Variants in MEGF6 observed in about 807,000 individuals in gnomAD.
MEGF6 encodes multiple epidermal growth factor-like domains protein 6.
In MEGF6, 184 loss-of-function variants were observed where a neutral mutation model predicts 207.1. The ratio of observed to expected loss-of-function variants is 0.89; its 90% CI spans 0.79 to 1.00. The LOEUF (loss-of-function observed/expected upper bound fraction) is 1.00, where lower values mean the gene tolerates loss of function less well. Among genes scored for constraint, MEGF6 ranks in the 50% least tolerant of loss-of-function variants. The pLI is 0.00. For synonymous variants in MEGF6, 1,038 were observed against 910.0 expected (o/e 1.14, Z -2.53); for missense variants, 2,282 against 2,202.9 (o/e 1.04, Z -0.72).
At chr1:3,516,366 T>C (rs1641541636) in intron 5 of MEGF6, among the ~76,000 whole-genome samples, 3 of 152,128 alleles carry the variant, frequency 2.0e-5, no homozygotes. Flanking sequence ...TGCCTTGTGG[T>C]TAGGGAGGGA....
At chr1:3,495,049 G>A (rs2821035) in intron 30 of MEGF6, among the ~76,000 whole-genome samples, 8,950 of 152,294 alleles carry the variant, frequency 0.059, 397 homozygotes, top group East Asian at 0.14. Context: ...CGGAGGCAGC[G>A]GCCCACTGTG....
intron 4 of MEGF6, among the ~76,000 whole-genome samples, chr1:3,530,317 G>A (rs574354667): frequency 9.2e-5 from 14 of 152,314 alleles, no homozygotes; most frequent in Admixed American, 7.2e-4. Flanking sequence ...GCTAAGGAGG[G>A]GTGACGTCTC....
In MEGF6 at chr1:3,560,297, C is replaced by G. The variant is rs1450799716; in HGVS notation, c.481+19528G>C. The stretch of plus-strand genomic sequence containing the variant: ...CCGCTTGGTACAGCGGACGAGCCCA[C>G]GTTGACACATTGTTGTTAACTGAGT... On this transcript the variant is annotated intron_variant, in intron 4 of 36. Coordinates refer to ENST00000356575, the MANE Select transcript of MEGF6 (RefSeq NM_001409.4). The surrounding 1 kb of genome is among the most constrained non-coding windows in gnomAD (Gnocchi z 4.0). Among the ~76,000 whole-genome samples the G allele has an allele frequency of 6.6e-6, 1 of 152,202 alleles. No individual in the cohort carries two copies. The highest frequency in any genetic ancestry group is 1.5e-5 in the Non-Finnish European group (1 of 68,038).
chr1:3,542,326 C>G (rs1430770192), intron 4 of MEGF6, among the ~76,000 whole-genome samples: 1 of 152,258 alleles, frequency 6.6e-6, no homozygotes, highest in Non-Finnish European at 1.5e-5. Flanking sequence ...CCAGCCAAAC[C>G]ATGGGCTTAA....
chr1:3,540,086 A>G (rs1339585177), intron 4 of MEGF6, among the ~76,000 whole-genome samples: 1 of 149,542 alleles, frequency 6.7e-6, no homozygotes, highest in Non-Finnish European at 1.5e-5. Context: ...GGTGTCCTCC[A>G]GGAAACTGCC....
chr1:3,619,483 TC>T, the MEGF6 span, among the ~76,000 whole-genome samples: 405 of 152,230 alleles, frequency 2.7e-3, no homozygotes, highest in African/African-American at 7.5e-3. Flanking sequence ...CCAATTGTAA[TC>T]CCCCACGTGT....
At position 3,519,101 on chromosome 1, in the gene MEGF6, G is replaced by A. The variant is rs182779511; in HGVS notation, c.605-3574C>T. On this transcript the variant is annotated intron_variant, in intron 5 of 36. Transcript: ENST00000356575. The stretch of plus-strand genomic sequence containing the variant: ...AAATGGAGCAGGGAGGGAAACGCCC[G>A]CCACCCCCCTTCCATGGACCAGGCT... 3.6e-3 allele frequency among the ~76,000 whole-genome samples: 552 copies of A among 152,252 alleles called. 2 individuals are homozygous for A. Among genetic ancestry groups the A allele is most frequent in the African/African-American group, 0.012 (490 of 41,554 alleles).
chr1:3,511,521 G>A (rs563245255), intron 9 of MEGF6, 29 bp downstream of exon 9: 2 of 1,585,462 alleles, frequency 1.3e-6, no homozygotes, highest in East Asian at 2.3e-5. Flanking sequence ...GGAGTGGGGT[G>A]CAGGCATCTG....
rs1249029252 is a variant in MEGF6 at position 3,495,986 on chromosome 1, T to G, written c.3775A>C (p.Thr1259Pro). 3 of 1,560,724 alleles carry G rather than the reference T, an allele frequency of 1.9e-6. No homozygotes were observed. In the African/African-American group the frequency reaches 4.1e-5, roughly 21 times the overall value. Reference protein sequence around the residue: ...CPQGRFGPNCTHVCGCGQGAA... With the variant: ...CPQGRFGPNCPHVCGCGQGAA... ...CCCTGCCCACACCCACACACGTGGG[T>G]GCAGTTGGGGCCGAAGCGGCCCTGC... is the stretch of plus-strand genomic sequence containing the variant. The change falls in exon 30 of 37, where the codon ACC (threonine) becomes CCC (proline). Residue 1259 changes from threonine (T) to proline (P), a missense_variant. Coordinates refer to ENST00000356575, the MANE Select transcript of MEGF6 (RefSeq NM_001409.4).
chr1:3,598,262 G>A (rs776832828), intron 2 of MEGF6, among the ~76,000 whole-genome samples: 14 of 152,332 alleles, frequency 9.2e-5, no homozygotes, highest in East Asian at 1.9e-4. Flanking sequence ...ATGGGAAGCC[G>A]GAGGTGGGCC....
Position 3,496,765 on chromosome 1 carries a change from T to C in MEGF6, c.3632A>G (p.Tyr1211Cys). 6.4e-7 allele frequency: 1 copy of C among 1,558,536 alleles called. No individual in the cohort carries two copies. Among genetic ancestry groups the C allele is most frequent in the Non-Finnish European group, 8.7e-7 (1 of 1,151,634 alleles). Residue 1211 changes from tyrosine to cysteine, a missense_variant, in exon 29 of 37, where the codon TAT (tyrosine) becomes TGT (cysteine). Transcript: ENST00000356575. ...ACACAGCTGTTCACAGCCTGGCCCA[T>C]ACCGCCCGGGCGGACATCCTGCAGG... ...SCQQRCPPGR[Y>C]GPGCEQLCGC... is the part of the protein sequence containing the mutation.
chr1:3,611,365 A>C lies in MEGF6; in HGVS notation c.-97T>G, dbSNP rs1644323448. ...CACGTGCGCCATAGGACGCAGCCAC[A>C]GGTGCCCGCGCCCGCTCCGCGGAGC... On this transcript the variant is annotated 5_prime_UTR_variant, in exon 1 of 37. Coordinates refer to ENST00000356575, the MANE Select transcript of MEGF6 (RefSeq NM_001409.4). 1 of 1,332,484 alleles carries C rather than the reference A, an allele frequency of 7.5e-7. No homozygotes were observed. Among genetic ancestry groups the C allele is most frequent in the Admixed American group, 4.0e-5 (1 of 25,120 alleles). 82.5% of individuals were successfully genotyped at this position (1,332,484 alleles called of 1,614,324 possible). A position where few individuals can be genotyped will look rare whatever the true frequency, so the allele number is the denominator to read the frequency against.
In MEGF6 at chr1:3,494,456, G is replaced by A. The variant is rs776470024; in HGVS notation, c.4044C>T (p.Cys1348=). Residue 1348 remains cysteine, a synonymous_variant, in exon 32 of 37, where the codon TGC becomes TGT. Transcript: ENST00000356575. ...CACACGTGCTGTTGTTGTGGCAGGA[G>A]CACTCCAGATGGCAGGCGGCTCCGT... ...GRYGAACHLE[C]SCHNNSTCEP... is the part of the protein sequence containing the mutation. 12 of 1,575,808 alleles carry A rather than the reference G, an allele frequency of 7.6e-6. No homozygotes were observed. The highest frequency in any genetic ancestry group is 2.3e-5 in the South Asian group (2 of 86,920).
intron 4 of MEGF6, among the ~76,000 whole-genome samples, chr1:3,563,926 C>T (rs1487808697): frequency 6.6e-6 from 1 of 152,200 alleles, no homozygotes; most frequent in Admixed American, 6.5e-5. Context: ...TAGCAAAACC[C>T]TGCGACCTGA....
Position 3,510,878 on chromosome 1 carries a change from G to A in MEGF6, c.1139C>T (p.Pro380Leu), listed in dbSNP as rs781228159. Residue 380 changes from proline (P) to leucine (L), a missense_variant, in exon 10 of 37, where the codon CCG becomes CTG. Coordinates refer to ENST00000356575, the MANE Select transcript of MEGF6 (RefSeq NM_001409.4). ...CIDVDDCADS[P>L]CCQQVCTNNP... Reference sequence around the variant, plus strand: ...GTTGGTGCACACCTGCTGGCAGCACGGGCTGTCTGCACAGTCGTCGACATC... The same window carrying A: ...GTTGGTGCACACCTGCTGGCAGCACAGGCTGTCTGCACAGTCGTCGACATC... The A allele has an allele frequency of 9.9e-6, 16 of 1,608,950 alleles. No homozygotes were observed. Among genetic ancestry groups the A allele is most frequent in the East Asian group, 6.7e-5 (3 of 44,726 alleles).
rs1316660675 is a variant in MEGF6, at chr1:3,490,937, C to A, written c.4539G>T (p.Glu1513Asp). 1 of 1,601,856 alleles carries A rather than the reference C, an allele frequency of 6.2e-7. No homozygotes were observed. The highest frequency in any genetic ancestry group is 1.7e-5 in the Admixed American group (1 of 57,366). Residue 1513 changes from glutamate (E) to aspartate (D), a missense_variant, in exon 36 of 37, where the codon GAG becomes GAT. By Grantham distance (45) the Glu-to-Asp change is conservative. Transcript: ENST00000356575. Reference sequence around the variant, plus strand: ...CTGAGCCCTGGGCTAAGGACGGGTTCTCGGGGAGCCGGAGGGGCCCACCTG... The same window carrying A: ...CTGAGCCCTGGGCTAAGGACGGGTTATCGGGGAGCCGGAGGGGCCCACCTG... ...CREGGPLRLP[E>D]NPSLAQGSAG...
Position 3,581,191 on chromosome 1 carries a change from T to C in MEGF6, c.377-1262A>G, listed in dbSNP as rs940576225. ...TATGCCCAAGGCCAGCACCCAAACC[T>C]GGACTTGGGGTCAGGAGGACCCGGC... On this transcript the variant is annotated intron_variant, in intron 3 of 36. Transcript: ENST00000356575. Among the ~76,000 whole-genome samples the C allele has an allele frequency of 2.0e-5, 3 of 152,140 alleles. No homozygotes were observed. In the South Asian group the frequency reaches 6.2e-4, roughly 32 times the overall value.
intron 4 of MEGF6, among the ~76,000 whole-genome samples, chr1:3,542,191 T>C (rs1414230104): frequency 6.6e-6 from 1 of 152,118 alleles, no homozygotes. Context: ...AGCCCCAGTG[T>C]GGGAAGGCAG....
chr1:3,531,392 C>T (rs1642165263), intron 4 of MEGF6: 1 of 1,160,442 alleles, frequency 8.6e-7, no homozygotes, highest in Non-Finnish European at 1.1e-6. Context: ...CTCCGCTCGG[C>T]GCCGCCCGGG....
Sources: gnomAD v4.1 joint callset for allele counts (sites outside exome capture counted in the v4.1 genomes callset) on GRCh38, gnomAD v4.1.1 for gene constraint, Gnocchi (gnomAD v3.1) non-coding constraint, MANE v1.5 for transcripts, NCBI Gene and HGNC (gene_info 2026-07-23, HGNC 2026-07-21) for gene names.